Variants in ZNF768 observed in about 807,000 individuals in gnomAD.
ZNF768 encodes zinc finger protein 768.
A neutral mutation model predicts 39.7 loss-of-function variants in ZNF768; 12 were observed. That is an observed-to-expected ratio of 0.30 (90% CI 0.19 to 0.49). The LOEUF (loss-of-function observed/expected upper bound fraction) is 0.49. Among genes scored for constraint, ZNF768 ranks in the 20% least tolerant of loss-of-function variants. The pLI is 0.99. For synonymous variants in ZNF768, 360 were observed against 288.4 expected (o/e 1.25, Z -2.52); for missense variants, 613 against 723.2 (o/e 0.85, Z 1.75).
chr16:30,527,341 C>T (rs1174630126), upstream of ZNF768: 1 of 977,744 alleles, frequency 1.0e-6, no homozygotes, highest in Non-Finnish European at 1.2e-6. Context: ...CTCCTCCCTC[C>T]TCGAGGGCTA....
chr16:30,529,831 T>G (rs1056406298), upstream of ZNF768, among the ~76,000 whole-genome samples: 6 of 150,198 alleles, frequency 4.0e-5, no homozygotes, highest in South Asian at 2.1e-4. Flanking sequence ...GTTTTTTTTT[T>G]TTTTTTTTTT....
rs1457390461 is a variant in ZNF768 at position 30,524,962 on chromosome 16, C to A, written c.1178G>T (p.Arg393Met). The A allele has an allele frequency of 6.2e-7, 1 of 1,613,834 alleles. No individual in the cohort carries two copies. Among genetic ancestry groups the A allele is most frequent in the African/African-American group, 1.3e-5 (1 of 74,906 alleles). Residue 393 changes from arginine (R) to methionine (M), a missense_variant, in exon 2 of 2, where the codon AGG (arginine) becomes ATG (methionine). Physicochemically the swap from Arg to Met is moderately conservative, Grantham distance 91. This residue lies in a region of ZNF768 where 204 missense variants were observed against 281.7 expected (regional missense o/e 0.72). Transcript: ENST00000380412. ...GAAGGGCCTCTGACCGGTGTGCACC[C>A]TCTGATGGCTGCGCAGGGACGAGTT... The part of the protein sequence containing the change: ...SQNSSLRSHQ[R>M]VHTGQRPFSC...
In ZNF768 at chr16:30,524,137, A is replaced by T; in HGVS notation, c.*380T>A. ...CCACTCCCCACCCCACCTACCTTTT[A>T]CCCGCTCCTGACTCAACGAGAGTTT... On this transcript the variant is annotated 3_prime_UTR_variant, in exon 2 of 2. Coordinates refer to ENST00000380412, the MANE Select transcript of ZNF768 (RefSeq NM_024671.4). 1.0e-5 allele frequency: 2 copies of T among 197,678 alleles called. No homozygotes were observed. The highest frequency in any genetic ancestry group is 5.5e-5 in the Admixed American group (1 of 18,288). The allele number at this position is 197,678 out of a possible 1,614,324, so 12.2% of individuals were successfully genotyped here. A position where few individuals can be genotyped will look rare whatever the true frequency, so the allele number is the denominator to read the frequency against.
chr16:30,526,734 G>T, upstream of ZNF768: 4 of 733,428 alleles, frequency 5.5e-6, no homozygotes, highest in Non-Finnish European at 6.6e-6. Context: ...TCCCGCCCGA[G>T]CCCCCACCTT....
upstream of ZNF768, chr16:30,526,689 G>A: frequency 1.1e-6 from 1 of 928,852 alleles, no homozygotes; most frequent in Non-Finnish European, 1.3e-6. Flanking sequence ...GGGATGAGGG[G>A]CTTCGCGACT....
In ZNF768 at chr16:30,525,827, G is replaced by A. The variant is rs1242964179; in HGVS notation, c.313C>T (p.Pro105Ser). 1 of 1,535,976 alleles carries A rather than the reference G, an allele frequency of 6.5e-7. No homozygotes were observed. The highest frequency in any genetic ancestry group is 8.7e-7 in the Non-Finnish European group (1 of 1,146,692). The change falls in exon 2 of 2, where the codon CCT (proline) becomes TCT (serine). Residue 105 changes from proline to serine, a missense_variant. This residue lies in a region of ZNF768 where 347 missense variants were observed against 326.1 expected (regional missense o/e 1.06). Transcript: ENST00000380412. ...PPSPEFAPRS[P>S]ESDSQSPEFE... ...TCAGGGCTCTGAGAATCTGATTCAGGGCTTCTGGGTGCAAACTCAGGGCTT... is the reference window on the plus strand; with the variant it reads ...TCAGGGCTCTGAGAATCTGATTCAGAGCTTCTGGGTGCAAACTCAGGGCTT...
At position 30,525,322 on chromosome 16, in the gene ZNF768, C is replaced by A. The variant is rs1242544498; in HGVS notation, c.818G>T (p.Gly273Val). 2 of 1,614,058 alleles carry A rather than the reference C, an allele frequency of 1.2e-6. No individual in the cohort carries two copies. Among genetic ancestry groups the A allele is most frequent in the Non-Finnish European group, 1.7e-6 (2 of 1,180,000 alleles). Reference sequence around the variant, plus strand: ...GCGCTGGTGCTGGATCAGGGTGGAGCCCCGCCCGAAGCTCTTCCCGCAGAT... The same window carrying A: ...GCGCTGGTGCTGGATCAGGGTGGAGACCCGCCCGAAGCTCTTCCCGCAGAT... ...CGICGKSFGR[G>V]STLIQHQRIH... Residue 273 changes from glycine (G) to valine (V), a missense_variant, in exon 2 of 2, where the codon GGC (glycine) becomes GTC (valine). Gly to Val is a moderately radical substitution (Grantham distance 109, BLOSUM62 -3). Coordinates refer to ENST00000380412, the MANE Select transcript of ZNF768 (RefSeq NM_024671.4).
In ZNF768 at chr16:30,525,470, G is replaced by C; in HGVS notation, c.670C>G (p.Leu224Val). The C allele has an allele frequency of 7.4e-6, 12 of 1,614,162 alleles. No homozygotes were observed. Among genetic ancestry groups the C allele is most frequent in the Non-Finnish European group, 1.0e-5 (12 of 1,180,042 alleles). ...AGCATCTCAAACTGCGGTGTAGACA[G>C]CAGGGCCCCTGTGGGCATCTCAAAA... ...PPFEMPTGAL[L>V]STPQFEMLQN... The change falls in exon 2 of 2, where the codon CTG becomes GTG. Residue 224 changes from leucine (L) to valine (V), a missense_variant. Physicochemically the swap from Leu to Val is conservative, Grantham distance 32. This residue lies in a region of ZNF768 where 347 missense variants were observed against 326.1 expected (regional missense o/e 1.06). Transcript: ENST00000380412.
At position 30,525,443 on chromosome 16, in the gene ZNF768, G is replaced by C; in HGVS notation, c.697C>G (p.Gln233Glu). ...GCTCCTGTGAGACCCAGGGGATTCT[G>C]AAGCATCTCAAACTGCGGTGTAGAC... ...LLSTPQFEML[Q>E]NPLGLTGALR... The change falls in exon 2 of 2, where the codon CAG becomes GAG. Residue 233 changes from glutamine to glutamate, a missense_variant. Transcript: ENST00000380412. The C allele has an allele frequency of 6.2e-7, 1 of 1,614,138 alleles. No individual in the cohort carries two copies. Among genetic ancestry groups the C allele is most frequent in the Non-Finnish European group, 8.5e-7 (1 of 1,180,042 alleles).
rs954653761 is a variant in ZNF768 at position 30,524,476 on chromosome 16, T to C, written c.*41A>G. On this transcript the variant is annotated 3_prime_UTR_variant, in exon 2 of 2. Coordinates refer to ENST00000380412, the MANE Select transcript of ZNF768 (RefSeq NM_024671.4). ...AGGTTCCTCTAGCTCCCTGGCCCCT[T>C]ATCTTCTGCCCACACCTCCCACCCC... The C allele has an allele frequency of 6.4e-7, 1 of 1,569,330 alleles. No homozygotes were observed. The highest frequency in any genetic ancestry group is 8.6e-7 in the Non-Finnish European group (1 of 1,163,884).
At position 30,525,029 on chromosome 16, in the gene ZNF768, G is replaced by T. The variant is rs540827559; in HGVS notation, c.1111C>A (p.Arg371=). The change falls in exon 2 of 2, where the codon CGG becomes AGG. Residue 371 remains arginine (R), a synonymous_variant. Transcript: ENST00000380412. ...CCGCACTCGGTGCAGCTGTAGGGCC[G>T]CTCGTGGCTGTGGGTGCGCTGGTGT... The part of the protein sequence containing the change: ...LRHQRTHSHE[R]PYSCTECGKC... 6.8e-6 allele frequency: 11 copies of T among 1,614,104 alleles called. No homozygotes were observed. The highest frequency in any genetic ancestry group is 2.2e-5 in the South Asian group (2 of 91,086).
At chr16:30,527,434 G>A (rs1201253360), upstream of ZNF768, 2 of 613,374 alleles carry the variant, frequency 3.3e-6, no homozygotes, top group Non-Finnish European at 2.0e-6. Context: ...GTTGGCCGAT[G>A]GGGCTCGTGC....
Position 30,524,241 on chromosome 16 carries a change from A to C in ZNF768, c.*276T>G. 1 of 242,902 alleles carries C rather than the reference A, an allele frequency of 4.1e-6. No individual in the cohort carries two copies. The highest frequency in any genetic ancestry group is 6.0e-5 in the South Asian group (1 of 16,586). The allele number at this position is 242,902 out of a possible 1,614,324, so 15.0% of individuals were successfully genotyped here. A position where few individuals can be genotyped will look rare whatever the true frequency, so the allele number is the denominator to read the frequency against. On this transcript the variant is annotated 3_prime_UTR_variant, in exon 2 of 2. Transcript: ENST00000380412. ...CCCCCTCCCTGCTCTAGCAGTTGCCAAGCCAGGCACCCACCAAGGAGCCGC... is the reference window on the plus strand; with the variant it reads ...CCCCCTCCCTGCTCTAGCAGTTGCCCAGCCAGGCACCCACCAAGGAGCCGC...
At chr16:30,527,778 C>T (rs1262761994), upstream of ZNF768, 2 of 152,332 alleles carry the variant, frequency 1.3e-5, no homozygotes, top group African/African-American at 4.8e-5. Flanking sequence ...AACTCAATCC[C>T]TGGCAGCCTT....
chr16:30,526,005 G>A lies in ZNF768; in HGVS notation c.135C>T (p.Gly45=). ...NEEEEISQQE[G]SGDYEVEEIP... ...TCTCTTCGACTTCATAGTCCCCACT[G>A]CCTTCTTGCTGAGAAATTTCCTCTT... The change falls in exon 2 of 2, where the codon GGC becomes GGT. Residue 45 remains glycine, a synonymous_variant. Coordinates refer to ENST00000380412, the MANE Select transcript of ZNF768 (RefSeq NM_024671.4). 1.3e-6 allele frequency: 2 copies of A among 1,498,186 alleles called. No homozygotes were observed. Among genetic ancestry groups the A allele is most frequent in the Non-Finnish European group, 1.8e-6 (2 of 1,126,886 alleles). The allele number at this position is 1,498,186 out of a possible 1,614,324, so 92.8% of individuals were successfully genotyped here. A position where few individuals can be genotyped will look rare whatever the true frequency, so the allele number is the denominator to read the frequency against.
upstream of ZNF768, chr16:30,527,813 C>T (rs2051342011): frequency 6.6e-6 from 1 of 152,228 alleles, no homozygotes; most frequent in Admixed American, 6.5e-5. Flanking sequence ...GATTTCCTCA[C>T]AGGGAGGCAG....
Position 30,525,047 on chromosome 16 carries a change from G to A in ZNF768, c.1093C>T (p.Arg365Cys). 6.2e-7 allele frequency: 1 copy of A among 1,614,150 alleles called. No homozygotes were observed. The highest frequency in any genetic ancestry group is 8.5e-7 in the Non-Finnish European group (1 of 1,180,032). The change falls in exon 2 of 2, where the codon CGC (arginine) becomes TGC (cysteine). Residue 365 changes from arginine to cysteine, a missense_variant. Around this residue, in one of 4 missense-constraint regions of ZNF768, gnomAD observed 204 missense variants for 281.7 expected, o/e 0.72. Transcript: ENST00000380412. The part of the protein sequence containing the change: ...GDSSYLLRHQ[R>C]THSHERPYSC... ...TAGGGCCGCTCGTGGCTGTGGGTGC[G>A]CTGGTGTCGCAGGAGGTAGGAGCTG...
Position 30,526,550 on chromosome 16 carries a change from C to T in ZNF768, c.-137G>A, listed in dbSNP as rs999577550. 106 of 1,075,672 alleles carry T rather than the reference C, an allele frequency of 9.9e-5. No homozygotes were observed. Among genetic ancestry groups the T allele is most frequent in the Admixed American group, 2.1e-4 (4 of 18,886 alleles). 66.6% of individuals were successfully genotyped at this position (1,075,672 alleles called of 1,614,324 possible). ...GGGACTCGGCGGCCCAGCCCGGGCCCCCGAGGCCGGACGTCTTGACCCCGC... is the reference window on the plus strand; with the variant it reads ...GGGACTCGGCGGCCCAGCCCGGGCCTCCGAGGCCGGACGTCTTGACCCCGC... On this transcript the variant is annotated 5_prime_UTR_variant, in exon 1 of 2. Transcript: ENST00000380412.
chr16:30,526,435 C>T lies in ZNF768; in HGVS notation c.-22G>A, dbSNP rs1483167280. ...CCATCCCCGCGGGCTCCCAGTGCAG[C>T]GGCGGCGGCGATGGCGGCCGATCCC... On this transcript the variant is annotated 5_prime_UTR_variant, in exon 1 of 2. Coordinates refer to ENST00000380412, the MANE Select transcript of ZNF768 (RefSeq NM_024671.4). 7 of 1,530,364 alleles carry T rather than the reference C, an allele frequency of 4.6e-6. No individual in the cohort carries two copies. The Admixed American group carries it at 8.3e-5, about 18-fold the overall frequency. The allele number at this position is 1,530,364 out of a possible 1,614,324, so 94.8% of individuals were successfully genotyped here.
Sources: allele counts gnomAD v4.1 joint callset (sites outside exome capture counted in the v4.1 genomes callset), GRCh38; gene constraint gnomAD v4.1.1; regional missense constraint gnomAD v4.1.1; transcripts MANE v1.5; gene names NCBI Gene and HGNC (gene_info 2026-07-23, HGNC 2026-07-21).